The following COL11A1 variants were observed in gnomAD, a reference collection of about 807,000 sequenced individuals.
The protein encoded by COL11A1 is collagen alpha-1(XI) chain.
A neutral mutation model predicts 265.2 loss-of-function variants in COL11A1; 74 were observed. The observed-to-expected ratio is 0.28, with a 90% CI of 0.23 to 0.34. COL11A1 has a LOEUF of 0.34. Ranked by LOEUF, COL11A1 falls within the 10% of genes least tolerant of loss-of-function variation. COL11A1 has a pLI of 1.00. For synonymous variants in COL11A1, 816 were observed against 727.6 expected (o/e 1.12, Z -1.96); for missense variants, 2,165 against 2,263.6 (o/e 0.96, Z 0.88).
At chr1:102,900,750 T>C (rs1234995508) in intron 54 of COL11A1, among the ~76,000 whole-genome samples, 1 of 152,112 alleles carries the variant, frequency 6.6e-6, no homozygotes, top group Non-Finnish European at 1.5e-5. Context: ...GCAACTAAGT[T>C]GTGATTAAAA....
chr1:102,956,728 A>T (rs12140064), intron 41 of COL11A1, among the ~76,000 whole-genome samples: 15,675 of 151,898 alleles, frequency 0.1, 1,034 homozygotes, highest in Non-Finnish European at 0.14. Context: ...AAAATATTAA[A>T]GTATATCATA....
Position 103,074,657 on chromosome 1 carries a change from C to A in COL11A1, c.612G>T (p.Thr204=), listed in dbSNP as rs545867472. The change falls in exon 4 of 67, where the codon ACG becomes ACT. Residue 204 remains threonine, a synonymous_variant. Transcript: ENST00000370096. ...CATCCAAAATCCTTGTTCCAAAAAC[C>A]GTGATTCCATTGGTATCAACAATTG... ...ERAIVDTNGI[T]VFGTRILDEE... 375 of 1,613,234 alleles carry A rather than the reference C, an allele frequency of 2.3e-4. 5 individuals are homozygous for A. The South Asian group carries it at 4.0e-3, about 17-fold the overall frequency.
chr1:103,083,457 T>C (rs369863460), intron 1 of COL11A1, among the ~76,000 whole-genome samples: 1 of 152,172 alleles, frequency 6.6e-6, no homozygotes, highest in East Asian at 1.9e-4. Flanking sequence ...TAATAAACTA[T>C]TCATAATCTA....
chr1:102,984,051 G>C, intron 31 of COL11A1, 87 bp downstream of exon 31: 3 of 944,234 alleles, frequency 3.2e-6, no homozygotes, highest in Non-Finnish European at 5.1e-6. Flanking sequence ...TGATAATATA[G>C]AGATGTTACA....
At chr1:103,107,211 T>C (rs549201799) in intron 1 of COL11A1, among the ~76,000 whole-genome samples, 1 of 152,074 alleles carries the variant, frequency 6.6e-6, no homozygotes, top group South Asian at 2.1e-4. Context: ...GGTCTGGCCA[T>C]TGAATATTTG....
intron 1 of COL11A1, among the ~76,000 whole-genome samples, chr1:103,100,914 C>T (rs1406165623): frequency 2.0e-5 from 3 of 151,894 alleles, no homozygotes; most frequent in Non-Finnish European, 4.4e-5. Flanking sequence ...AAAACTGTCT[C>T]AATTAAATAA....
At chr1:102,916,751 T>C (rs1252679654) in intron 49 of COL11A1, among the ~76,000 whole-genome samples, 1 of 151,928 alleles carries the variant, frequency 6.6e-6, no homozygotes, top group Non-Finnish European at 1.5e-5. Context: ...TTATTATAAG[T>C]AGTGTGATGT....
chr1:103,002,474 T>C lies in COL11A1; in HGVS notation c.2051A>G (p.Gln684Arg). The C allele has an allele frequency of 1.2e-6, 2 of 1,609,312 alleles. No homozygotes were observed. Among genetic ancestry groups the C allele is most frequent in the South Asian group, 2.2e-5 (2 of 89,978 alleles). Residue 684 changes from glutamine (Q) to arginine (R), a missense_variant, in exon 23 of 67, where the codon CAA becomes CGA. Coordinates refer to ENST00000370096, the MANE Select transcript of COL11A1 (RefSeq NM_001854.4). ...PPGPKGNMGPQGEPGPPGQQG... is the reference protein window; with the variant it reads ...PPGPKGNMGPRGEPGPPGQQG... ...TTGACCTGGAGGCCCAGGCTCCCCT[T>C]GGGGACCCTGCCAGAGGAAAATATA...
chr1:102,914,298 G>A, intron 52 of COL11A1, 54 bp downstream of exon 52: 1 of 1,375,896 alleles, frequency 7.3e-7, no homozygotes, highest in Non-Finnish European at 1.0e-6. Flanking sequence ...TAACAATACA[G>A]AAATTGGAAA....
Position 103,082,999 on chromosome 1 carries a change from C to A in COL11A1, c.107-27G>T, listed in dbSNP as rs116458923. 2,958 of 1,608,388 alleles carry A rather than the reference C, an allele frequency of 1.8e-3. 50 individuals are homozygous for A. In the African/African-American group the frequency reaches 0.035, roughly 19 times the overall value. On this transcript the variant is annotated intron_variant, in intron 1 of 66. Transcript: ENST00000370096. ...TGAAAAATAAGCAAACAATAAAAAA[C>A]CAGAATTGAACAACGATCTGATATA...
At chr1:102,961,672 T>G in intron 41 of COL11A1, 194 bp downstream of exon 41, 1 of 558,798 alleles carries the variant, frequency 1.8e-6, no homozygotes. Flanking sequence ...AAGCAAATAT[T>G]TCCAATCATC....
intron 49 of COL11A1, among the ~76,000 whole-genome samples, chr1:102,916,212 C>T (rs936260293): frequency 5.9e-5 from 9 of 152,074 alleles, no homozygotes; most frequent in Non-Finnish European, 7.4e-5. Flanking sequence ...GGTACTTAGA[C>T]GTTAATTAAA....
chr1:102,934,374 TG>T (rs1273458411), intron 46 of COL11A1, 74 bp downstream of exon 46: 1 of 1,047,086 alleles, frequency 9.6e-7, no homozygotes, highest in East Asian at 2.4e-5. Flanking sequence ...AAAAATACTT[TG>T]TTTTACATCC....
At chr1:102,952,891 T>C (rs1660023712) in intron 41 of COL11A1, among the ~76,000 whole-genome samples, 1 of 151,998 alleles carries the variant, frequency 6.6e-6, no homozygotes, top group Non-Finnish European at 1.5e-5. Context: ...GAAGTTATAT[T>C]TTTTAAGCAA....
chr1:103,007,411 G>T (rs185441909), intron 15 of COL11A1, among the ~76,000 whole-genome samples: 1 of 151,942 alleles, frequency 6.6e-6, no homozygotes, highest in African/African-American at 2.4e-5. Context: ...TATTACATAG[G>T]CCTTCATATT....
chr1:102,956,118 C>G (rs1557869197), intron 41 of COL11A1, among the ~76,000 whole-genome samples: 2 of 152,146 alleles, frequency 1.3e-5, no homozygotes, highest in African/African-American at 4.8e-5. Context: ...ATAACCCTAA[C>G]CTTGAAATAC....
At chr1:103,106,195 C>T (rs11164672) in intron 1 of COL11A1, among the ~76,000 whole-genome samples, 75,068 of 151,926 alleles carry the variant, frequency 0.49, 21,723 homozygotes, top group East Asian at 0.92. Flanking sequence ...CACATATCGC[C>T]ACAGAAAGGC....
At chr1:103,012,869 G>A (rs901744401) in intron 13 of COL11A1, among the ~76,000 whole-genome samples, 9 of 152,028 alleles carry the variant, frequency 5.9e-5, no homozygotes, top group African/African-American at 2.2e-4. Flanking sequence ...AATATTTTAG[G>A]AAAAATTATG....
At chr1:102,963,743 C>A (rs1661139716) in intron 38 of COL11A1, among the ~76,000 whole-genome samples, 1 of 151,920 alleles carries the variant, frequency 6.6e-6, no homozygotes, top group Non-Finnish European at 1.5e-5. Flanking sequence ...GCTGTAATTT[C>A]TCAACTTAAC....
Sources: allele counts gnomAD v4.1 joint callset (sites outside exome capture counted in the v4.1 genomes callset), GRCh38; gene constraint gnomAD v4.1.1; transcripts MANE v1.5; gene names NCBI Gene and HGNC (gene_info 2026-07-23, HGNC 2026-07-21).